RANBP2: variants seen among roughly 807,000 people sequenced by gnomAD.
RANBP2 encodes the protein E3 SUMO-protein ligase RanBP2.
RANBP2 carries 57 observed loss-of-function variants against 303.6 expected under a neutral mutation model. The observed-to-expected ratio is 0.19, with a 90% CI of 0.15 to 0.23. RANBP2 has a LOEUF of 0.23. Ranked by LOEUF, RANBP2 falls within the 10% of genes least tolerant of loss-of-function variation. The pLI is 1.00. For synonymous variants in RANBP2, 1,167 were observed against 1,301.5 expected, an observed-to-expected ratio of 0.90 and a Z score of 2.23; for missense variants, 3,138 against 3,780.8, an observed-to-expected ratio of 0.83 and a Z score of 4.46.
chr2:109,728,455 T>C, the RANBP2 span, among the ~76,000 whole-genome samples: 2 of 151,732 alleles, frequency 1.3e-5, no homozygotes, highest in Non-Finnish European at 2.9e-5. Flanking sequence ...TTTAAAAAAT[T>C]TATTTTTTTT....
the RANBP2 span, chr2:109,437,115 G>A: frequency 5.6e-6 from 9 of 1,612,516 alleles, no homozygotes; most frequent in Admixed American, 3.3e-5. Flanking sequence ...CCCAGCCAAC[G>A]GCCAGCCAAG....
At chr2:109,414,794 C>T in the RANBP2 span, among the ~76,000 whole-genome samples, 1 of 152,242 alleles carries the variant, frequency 6.6e-6, no homozygotes, top group Admixed American at 6.5e-5. Context: ...GCATTTCCAT[C>T]TGGCCAAGGC....
At chr2:108,984,503 C>T in the RANBP2 span, among the ~76,000 whole-genome samples, 249 of 152,218 alleles carry the variant, frequency 1.6e-3, no homozygotes, top group African/African-American at 5.5e-3. Flanking sequence ...CCCTCTGCTC[C>T]GGCAGCATGG....
At chr2:109,108,953 A>C in the RANBP2 span, among the ~76,000 whole-genome samples, 1 of 152,204 alleles carries the variant, frequency 6.6e-6, no homozygotes, top group Non-Finnish European at 1.5e-5. Flanking sequence ...TCGGGATGTG[A>C]TTGGACAATT....
At chr2:108,901,994 C>G in the RANBP2 span, among the ~76,000 whole-genome samples, 6 of 151,864 alleles carry the variant, frequency 4.0e-5, no homozygotes, top group Non-Finnish European at 8.8e-5. Context: ...AATCCCAGCA[C>G]TTTGGGAGGC....
At chr2:109,669,705 C>G in the RANBP2 span, among the ~76,000 whole-genome samples, 1 of 152,302 alleles carries the variant, frequency 6.6e-6, no homozygotes, top group African/African-American at 2.4e-5. Context: ...AAGGTTCTGA[C>G]AACCCTCACC....
At chr2:109,113,110 A>G in the RANBP2 span, among the ~76,000 whole-genome samples, 4 of 152,070 alleles carry the variant, frequency 2.6e-5, no homozygotes, top group East Asian at 3.9e-4. Flanking sequence ...TTGACTTGGC[A>G]ATGCGGGCCC....
At chr2:109,288,534 A>G in the RANBP2 span, among the ~76,000 whole-genome samples, 1 of 152,014 alleles carries the variant, frequency 6.6e-6, no homozygotes, top group Non-Finnish European at 1.5e-5. Context: ...TCAAAACAGA[A>G]TTTTTGTCAT....
chr2:109,725,759 G>T, the RANBP2 span, among the ~76,000 whole-genome samples: 1 of 151,950 alleles, frequency 6.6e-6, no homozygotes, highest in African/African-American at 2.4e-5. Flanking sequence ...TTGAGACGGA[G>T]TCTTGCTCTG....
the RANBP2 span, among the ~76,000 whole-genome samples, chr2:109,188,580 G>A: frequency 3.9e-5 from 6 of 152,200 alleles, no homozygotes; most frequent in African/African-American, 1.4e-4. Context: ...GGAGGGGCAG[G>A]GGTCCCGTCC....
At chr2:109,237,160 A>G in the RANBP2 span, among the ~76,000 whole-genome samples, 6 of 152,336 alleles carry the variant, frequency 3.9e-5, no homozygotes, top group Admixed American at 3.3e-4. Context: ...TAAAGAGTTA[A>G]TATTTGTAAT....
the RANBP2 span, among the ~76,000 whole-genome samples, chr2:109,494,767 G>C: frequency 6.6e-6 from 1 of 152,126 alleles, no homozygotes; most frequent in South Asian, 2.1e-4. Flanking sequence ...GGAGGAATGG[G>C]CAGTGTTGCT....
chr2:109,262,100 C>T, the RANBP2 span, among the ~76,000 whole-genome samples: 1 of 152,164 alleles, frequency 6.6e-6, no homozygotes, highest in South Asian at 2.1e-4. Flanking sequence ...CCCACAGGTG[C>T]CCTCGGCCTC....
At chr2:109,423,888 G>A in the RANBP2 span, among the ~76,000 whole-genome samples, 53 of 152,348 alleles carry the variant, frequency 3.5e-4, no homozygotes, top group African/African-American at 1.3e-3. Context: ...GCACAGCTGG[G>A]ACCCCAAGCA....
chr2:109,226,290 A>G, the RANBP2 span, among the ~76,000 whole-genome samples: 1 of 152,154 alleles, frequency 6.6e-6, no homozygotes, highest in Admixed American at 6.5e-5. Flanking sequence ...AGTTATGTAA[A>G]CAGATCAATA....
the RANBP2 span, among the ~76,000 whole-genome samples, chr2:109,500,476 C>G: frequency 6.6e-6 from 1 of 152,150 alleles, no homozygotes; most frequent in Non-Finnish European, 1.5e-5. Flanking sequence ...TTCCACACTA[C>G]AGCATATTGG....
At chr2:108,797,125 T>C in the RANBP2 span, among the ~76,000 whole-genome samples, 1 of 152,216 alleles carries the variant, frequency 6.6e-6, no homozygotes. Context: ...ATATACTTGG[T>C]AATTTTAGCC....
At chr2:109,143,763 A>AAAACAAAAC in the RANBP2 span, among the ~76,000 whole-genome samples, 4 of 151,120 alleles carry the variant, frequency 2.6e-5, no homozygotes, top group East Asian at 1.9e-4. Flanking sequence ...GAAACAAAAC[A>AAAACAAAAC]AAACAAACAA....
the RANBP2 span, among the ~76,000 whole-genome samples, chr2:109,455,460 G>A: frequency 4.5e-4 from 69 of 152,324 alleles, no homozygotes; most frequent in Admixed American, 1.8e-3. Flanking sequence ...GGTCTGGGGC[G>A]TGGAGTCTGT....
Sources: allele counts gnomAD v4.1 joint callset (sites outside exome capture counted in the v4.1 genomes callset), GRCh38; gene constraint gnomAD v4.1.1; transcripts MANE v1.5; gene names NCBI Gene and HGNC (gene_info 2026-07-23, HGNC 2026-07-21).